CCT6B: variants seen among roughly 807,000 people sequenced by gnomAD.
The protein encoded by CCT6B is chaperonin containing TCP1 subunit 6B.
In CCT6B, 49 loss-of-function variants were observed where a neutral mutation model predicts 61.5. That is an observed-to-expected ratio of 0.80 (90% CI 0.63 to 1.01). The LOEUF (loss-of-function observed/expected upper bound fraction) is 1.01, where lower values mean the gene tolerates loss of function less well. Ranked by LOEUF, CCT6B falls within the 50% of genes least tolerant of loss-of-function variation. The pLI, the probability that CCT6B is intolerant of heterozygous loss-of-function variation, is 0.00. For synonymous variants in CCT6B, 228 were observed against 214.5 expected, an observed-to-expected ratio of 1.06 and a Z score of -0.55; for missense variants, 666 against 634.7, an observed-to-expected ratio of 1.05 and a Z score of -0.53.
intron 11 of CCT6B, 116 bp from the exon 12 acceptor site, chr17:34,931,167 T>A (rs574170913): frequency 3.5e-6 from 1 of 282,090 alleles, no homozygotes; most frequent in Admixed American, 5.0e-5. Flanking sequence ...ATGGCAATCA[T>A]CTCCTTTTGA....
At chr17:34,951,450 A>G (rs1035191979) in intron 5 of CCT6B, among the ~76,000 whole-genome samples, 5 of 152,234 alleles carry the variant, frequency 3.3e-5, no homozygotes, top group African/African-American at 9.7e-5. Flanking sequence ...TTCTCTCTAT[A>G]TATGTTCACA....
intron 4 of CCT6B, among the ~76,000 whole-genome samples, chr17:34,952,758 AGT>A: frequency 6.6e-6 from 1 of 152,380 alleles, no homozygotes; most frequent in East Asian, 1.9e-4. Flanking sequence ...TTAAGGGCTA[AGT>A]TATAACTACC....
chr17:34,952,029 C>T lies in CCT6B; in HGVS notation c.535G>A (p.Val179Ile). ...TEVVVDSVLAVRRPGYPIDLF... is the reference protein window; with the variant it reads ...TEVVVDSVLAIRRPGYPIDLF... ...TCAATAGGGTAACCTGGTCTTCTAA[C>T]AGCCAAAACAGAATCCACCACAACC... The change falls in exon 5 of 14, where the codon GTT becomes ATT. Residue 179 changes from valine to isoleucine, a missense_variant. Physicochemically the swap from Val to Ile is conservative, Grantham distance 29. Transcript: ENST00000314144. 6.2e-7 allele frequency: 1 copy of T among 1,606,256 alleles called. No individual in the cohort carries two copies.
At position 34,942,837 on chromosome 17, in the gene CCT6B, T is replaced by C; in HGVS notation, c.684A>G (p.Ala228=). 6.2e-7 allele frequency: 1 copy of C among 1,611,748 alleles called. No homozygotes were observed. The highest frequency in any genetic ancestry group is 1.1e-5 in the South Asian group (1 of 90,590). ...GTGAAACGTTGCAAATAAGGATAAA[T>C]GCATCTTCTACTCGCTTCTTCATAT... is the stretch of plus-strand genomic sequence containing the variant. The part of the protein sequence containing the change: ...HPDMKKRVED[A]FILICNVSLE... Residue 228 remains alanine (A), a synonymous_variant, in exon 6 of 14, where the codon GCA becomes GCG. Coordinates refer to ENST00000314144, the MANE Select transcript of CCT6B (RefSeq NM_006584.4).
At chr17:34,929,060 C>T (rs2142129625) in intron 12 of CCT6B, 26 bp from the exon 13 acceptor site, 2 of 1,430,290 alleles carry the variant, frequency 1.4e-6, no homozygotes, top group East Asian at 2.3e-5. Flanking sequence ...AATTTTCATA[C>T]CAAAATCTTA....
intron 1 of CCT6B, among the ~76,000 whole-genome samples, chr17:34,960,078 G>T (rs542991355): frequency 2.0e-5 from 3 of 152,124 alleles, no homozygotes; most frequent in East Asian, 3.9e-4. Context: ...TCTTGAATCT[G>T]CCACCTTCTC....
At chr17:34,947,899 C>A (rs568080817) in intron 5 of CCT6B, among the ~76,000 whole-genome samples, 1 of 151,540 alleles carries the variant, frequency 6.6e-6, no homozygotes, top group African/African-American at 2.4e-5. Flanking sequence ...ATCACTTGAA[C>A]CTGGCAAGCG....
chr17:34,943,514 C>A (rs2090190214), intron 5 of CCT6B: 1 of 151,962 alleles, frequency 6.6e-6, no homozygotes, highest in African/African-American at 2.4e-5. Flanking sequence ...ATAGGGCTAG[C>A]TGATAAGCAT....
At chr17:34,944,646 GC>G (rs1190646060) in intron 5 of CCT6B, among the ~76,000 whole-genome samples, 1 of 152,200 alleles carries the variant, frequency 6.6e-6, no homozygotes, top group East Asian at 1.9e-4. Context: ...ATGTTTTCCA[GC>G]CAGGCGCGGC....
rs767958063 is a variant in CCT6B at position 34,940,605 on chromosome 17, G to C, written c.902C>G (p.Ser301Cys). The C allele has an allele frequency of 6.5e-7, 1 of 1,540,814 alleles. No individual in the cohort carries two copies. The highest frequency in any genetic ancestry group is 1.8e-5 in the Admixed American group (1 of 54,348). ...VINQKGIDPF[S>C]LDSLAKHGIV... ...TCCATGTTTTGCAAGAGAATCTAAG[G>C]AAAATGGATCAATTCCCTATAATCA... The change falls in exon 8 of 14, where the codon TCC becomes TGC. Residue 301 changes from serine (S) to cysteine (C), a missense_variant. Physicochemically the swap from Ser to Cys is moderately radical, Grantham distance 112 (BLOSUM62 -1). Transcript: ENST00000314144.
At chr17:34,940,483 A>G in intron 8 of CCT6B, 56 bp downstream of exon 8, 1 of 890,310 alleles carries the variant, frequency 1.1e-6, no homozygotes. Flanking sequence ...AACACATGGG[A>G]TAGTTTCCAT....
chr17:34,935,404 T>G (rs12452326), intron 10 of CCT6B, among the ~76,000 whole-genome samples: 55,768 of 152,088 alleles, frequency 0.37, 11,355 homozygotes, highest in Non-Finnish European at 0.46. Context: ...AACTGTAAAT[T>G]TTATGTTATG....
At chr17:34,941,822 A>G (rs1234055197) in intron 7 of CCT6B, among the ~76,000 whole-genome samples, 1 of 152,226 alleles carries the variant, frequency 6.6e-6, no homozygotes, top group Admixed American at 6.5e-5. Flanking sequence ...AGGCCAAGCC[A>G]AGAGGATCAC....
In CCT6B at chr17:34,939,202, G is replaced by A; in HGVS notation, c.1194C>T (p.Ile398=). 6.2e-7 allele frequency: 1 copy of A among 1,613,488 alleles called. No homozygotes were observed. Among genetic ancestry groups the A allele is most frequent in the East Asian group, 2.2e-5 (1 of 44,826 alleles). ...GCTTACCATCTTCAATGGCATTTTT[G>A]ATAGCACGAAGTCCATCTCTTATGG... The part of the protein sequence containing the change: ...KDAIRDGLRA[I]KNAIEDGCMV... The change falls in exon 10 of 14, where the codon ATC becomes ATT. Residue 398 remains isoleucine, a synonymous_variant. Transcript: ENST00000314144.
intron 5 of CCT6B, among the ~76,000 whole-genome samples, chr17:34,944,701 C>T (rs566095324): frequency 5.9e-5 from 9 of 152,280 alleles, no homozygotes; most frequent in East Asian, 3.9e-4. Context: ...CCGAGGCAGG[C>T]GGATCATGAG....
In CCT6B at chr17:34,942,950, A is replaced by G. The variant is rs749779029; in HGVS notation, c.615-44T>C. On this transcript the variant is annotated intron_variant, in intron 5 of 13. Coordinates refer to ENST00000314144, the MANE Select transcript of CCT6B (RefSeq NM_006584.4). ...TTTCTTACTTTGAATATATACTCTA[A>G]AATTTGGTATAAAATTATCATTGTA... is the stretch of plus-strand genomic sequence containing the variant. 4 of 1,096,184 alleles carry G rather than the reference A, an allele frequency of 3.6e-6. No individual in the cohort carries two copies. In the South Asian group the frequency reaches 5.9e-5, roughly 16 times the overall value. 67.9% of individuals were successfully genotyped at this position (1,096,184 alleles called of 1,614,324 possible).
chr17:34,943,136 C>T, intron 5 of CCT6B: 1 of 396,900 alleles, frequency 2.5e-6, no homozygotes, highest in Non-Finnish European at 4.5e-6. Context: ...CCTGCCTCAG[C>T]CTCCCAAGTA....
At chr17:34,940,417 G>T in intron 8 of CCT6B, 122 bp downstream of exon 8, 1 of 570,410 alleles carries the variant, frequency 1.8e-6, no homozygotes, top group African/African-American at 2.0e-5. Flanking sequence ...AACAAAATTT[G>T]GATTTTTTTA....
At chr17:34,942,296 G>A (rs2090172648) in intron 7 of CCT6B, among the ~76,000 whole-genome samples, 188 bp downstream of exon 7, 1 of 151,884 alleles carries the variant, frequency 6.6e-6, no homozygotes, top group Admixed American at 6.6e-5. Context: ...CAGTTTTACA[G>A]ATTGCTTTTG....
Sources: gnomAD v4.1 joint callset for allele counts (sites outside exome capture counted in the v4.1 genomes callset) on GRCh38, gnomAD v4.1.1 for gene constraint, MANE v1.5 for transcripts, NCBI Gene and HGNC (gene_info 2026-07-23, HGNC 2026-07-21) for gene names.